Variants in TTC28 observed in about 807,000 individuals in gnomAD.
The protein encoded by TTC28 is tetratricopeptide repeat domain 28.
TTC28 carries 61 observed loss-of-function variants against 198.0 expected under a neutral mutation model. The ratio of observed to expected loss-of-function variants is 0.31; its 90% CI spans 0.25 to 0.38. The LOEUF is 0.38. TTC28 is among the 10% of genes least tolerant of loss of function. The probability of loss-of-function intolerance (pLI) is 1.00; values close to 1 mark genes in which losing one functional copy is unlikely to be tolerated. For synonymous variants in TTC28, 1,171 were observed against 1,297.8 expected (o/e 0.90, Z 2.10); for missense variants, 2,678 against 3,164.0 (o/e 0.85, Z 3.69).
intron 19 of TTC28, among the ~76,000 whole-genome samples, chr22:27,991,016 G>A (rs1431723669): frequency 2.6e-5 from 4 of 152,190 alleles, no homozygotes; most frequent in Non-Finnish European, 4.4e-5. Flanking sequence ...CCAGCCGCGT[G>A]CGGATCCAGG....
At chr22:28,193,562 C>A (rs1205169052) in intron 5 of TTC28, among the ~76,000 whole-genome samples, 1 of 152,022 alleles carries the variant, frequency 6.6e-6, no homozygotes, top group African/African-American at 2.4e-5. Flanking sequence ...CAGACACACA[C>A]ATAAGCTCAA....
chr22:28,032,274 G>A (rs1246578699), intron 12 of TTC28, among the ~76,000 whole-genome samples: 2 of 100,626 alleles, frequency 2.0e-5, no homozygotes, highest in African/African-American at 7.5e-5. Flanking sequence ...TATAGTGTGT[G>A]TGTGTGTGTG....
At chr22:28,106,120 C>T (rs890761362) in intron 7 of TTC28, among the ~76,000 whole-genome samples, 1 of 152,182 alleles carries the variant, frequency 6.6e-6, no homozygotes, top group African/African-American at 2.4e-5. Flanking sequence ...TCAGGCCTCC[C>T]AATTTCCACT....
intron 2 of TTC28, among the ~76,000 whole-genome samples, chr22:28,541,284 T>C (rs988755936): frequency 6.6e-6 from 1 of 152,208 alleles, no homozygotes; most frequent in African/African-American, 2.4e-5. Flanking sequence ...ATGATTGCCC[T>C]GGCTTCTGCC....
chr22:28,062,710 G>C (rs751885059), intron 12 of TTC28, among the ~76,000 whole-genome samples: 7 of 151,990 alleles, frequency 4.6e-5, no homozygotes, highest in Non-Finnish European at 1.0e-4. Context: ...AGCCTATCCA[G>C]TGAATTTTTA....
chr22:28,091,235 T>C (rs562861817), intron 12 of TTC28, among the ~76,000 whole-genome samples: 1 of 152,358 alleles, frequency 6.6e-6, no homozygotes, highest in Admixed American at 6.5e-5. Context: ...CTTAGCCACA[T>C]GTATTTAAAG....
At chr22:28,289,462 C>T (rs1014106999) in intron 5 of TTC28, among the ~76,000 whole-genome samples, 2 of 152,104 alleles carry the variant, frequency 1.3e-5, no homozygotes, top group African/African-American at 4.8e-5. Context: ...TTAAAGTAGA[C>T]AGAAGGTTAG....
At chr22:28,040,036 GGAAGAAGTTGAATCCCT>G (rs1219721062) in intron 12 of TTC28, among the ~76,000 whole-genome samples, 2 of 152,130 alleles carry the variant, frequency 1.3e-5, no homozygotes, top group Admixed American at 1.3e-4. Flanking sequence ...GACTAAACCA[GGAAGAAGTTGAATCCCT>G]GAATAGACCA....
At chr22:28,190,096 T>C (rs1483021871) in intron 5 of TTC28, among the ~76,000 whole-genome samples, 1 of 152,170 alleles carries the variant, frequency 6.6e-6, no homozygotes, top group African/African-American at 2.4e-5. Flanking sequence ...GTCACCATGG[T>C]CACACAGCTG....
rs181803225 is a variant in TTC28 at position 28,089,857 on chromosome 22, C to T, written c.3932+4223G>A. 2.0e-4 allele frequency among the ~76,000 whole-genome samples: 31 copies of T among 151,618 alleles called. No individual in the cohort carries two copies. The East Asian group carries it at 4.3e-3, about 21-fold the overall frequency. ...GAAACTATCATTCTCAGCAAAGTAT[C>T]GCAAGGACAAAAAACCACATACCGC... On this transcript the variant is annotated intron_variant, in intron 12 of 22. Coordinates refer to ENST00000397906, the MANE Select transcript of TTC28 (RefSeq NM_001145418.2).
rs1041682400 is a variant in TTC28, at chr22:28,310,159, CACACACACACACACAA to C, written c.382-3532_382-3517del. Among the ~76,000 whole-genome samples, 39 of 135,024 alleles carry C rather than the reference CACACACACACACACAA, an allele frequency of 2.9e-4. 1 individual carries two copies. The South Asian group carries it at 4.0e-3, about 14-fold the overall frequency. 88.6% of individuals were successfully genotyped at this position (135,024 alleles called of 152,430 possible). A position where few individuals can be genotyped will look rare whatever the true frequency, so the allele number is the denominator to read the frequency against. ...TAACACACACACACACACACACACA[CACACACACACACACAA>C]AAAACAAGACAAGAGCACCCTCAAG... On this transcript the variant is annotated intron_variant, in intron 2 of 22. Coordinates refer to ENST00000397906, the MANE Select transcript of TTC28 (RefSeq NM_001145418.2).
At chr22:28,388,160 T>G (rs1176179100) in intron 2 of TTC28, among the ~76,000 whole-genome samples, 1 of 152,226 alleles carries the variant, frequency 6.6e-6, no homozygotes, top group Non-Finnish European at 1.5e-5. Context: ...GTTGTAGATA[T>G]GCGGCGTTAT....
At chr22:28,363,489 G>T (rs749280517) in intron 2 of TTC28, among the ~76,000 whole-genome samples, 2 of 152,216 alleles carry the variant, frequency 1.3e-5, no homozygotes, top group Non-Finnish European at 2.9e-5. Flanking sequence ...GAAGGGAAAT[G>T]TGGGGTCGAA....
At chr22:28,312,394 T>C (rs1324147412) in intron 2 of TTC28, among the ~76,000 whole-genome samples, 1 of 152,100 alleles carries the variant, frequency 6.6e-6, no homozygotes, top group Non-Finnish European at 1.5e-5. Flanking sequence ...CCACCCCAAA[T>C]CAACAGAATA....
chr22:27,994,437 G>T (rs1011255227), intron 17 of TTC28: 5 of 149,436 alleles, frequency 3.3e-5, no homozygotes, highest in Admixed American at 6.7e-5. Flanking sequence ...AGTGGTCCAA[G>T]ATGTCACCTG....
intron 2 of TTC28, among the ~76,000 whole-genome samples, chr22:28,621,183 T>C (rs1043126027): frequency 1.3e-5 from 2 of 152,178 alleles, no homozygotes; most frequent in Admixed American, 6.5e-5. Flanking sequence ...AATTCCAATT[T>C]TCCACAAACT....
At chr22:28,167,444 C>A (rs1168350264) in intron 5 of TTC28, among the ~76,000 whole-genome samples, 1 of 152,214 alleles carries the variant, frequency 6.6e-6, no homozygotes, top group Non-Finnish European at 1.5e-5. Context: ...CAAACCGAAT[C>A]CAGCAGCATA....
chr22:28,240,502 C>T (rs937745389), intron 5 of TTC28, among the ~76,000 whole-genome samples: 10 of 152,038 alleles, frequency 6.6e-5, no homozygotes, highest in Non-Finnish European at 1.5e-4. Context: ...TATAGGTATA[C>T]ATATGTATAT....
At chr22:28,672,694 G>C (rs1445458093) in intron 1 of TTC28, among the ~76,000 whole-genome samples, 2 of 152,122 alleles carry the variant, frequency 1.3e-5, no homozygotes, top group Non-Finnish European at 2.9e-5. Context: ...TAAATACCAG[G>C]AATTATTTTG....
Sources: gnomAD v4.1 joint callset for allele counts (sites outside exome capture counted in the v4.1 genomes callset) on GRCh38, gnomAD v4.1.1 for gene constraint, MANE v1.5 for transcripts, NCBI Gene and HGNC (gene_info 2026-07-23, HGNC 2026-07-21) for gene names.